Variants in TASP1 observed in about 807,000 individuals in gnomAD.
TASP1 encodes taspase 1.
Under a neutral mutation model 56.6 loss-of-function variants are expected in TASP1, and 16 were observed. The ratio of observed to expected loss-of-function variants is 0.28; its 90% CI spans 0.19 to 0.43. The LOEUF (loss-of-function observed/expected upper bound fraction) is 0.43, where lower values mean the gene tolerates loss of function less well. Among genes scored for constraint, TASP1 ranks in the 20% least tolerant of loss-of-function variants. The pLI is 1.00. For missense variants in TASP1, 393 were observed against 511.6 expected (o/e 0.77, Z 2.24); for synonymous variants, 179 against 184.2 (o/e 0.97, Z 0.23).
the TASP1 span, among the ~76,000 whole-genome samples, chr20:13,193,713 T>A: frequency 6.6e-6 from 1 of 152,310 alleles, no homozygotes; most frequent in East Asian, 1.9e-4. Context: ...CCAGACTACC[T>A]CTCTCTTTTC....
chr20:13,316,722 A>T, the TASP1 span, among the ~76,000 whole-genome samples: 1 of 151,896 alleles, frequency 6.6e-6, no homozygotes, highest in African/African-American at 2.4e-5. Context: ...CATCTGACAA[A>T]ATTCAACACC....
chr20:13,377,596 T>C, the TASP1 span, among the ~76,000 whole-genome samples: 30 of 152,192 alleles, frequency 2.0e-4, no homozygotes, highest in African/African-American at 7.0e-4. Context: ...ATAAAATGAG[T>C]TAGGGAGGAT....
chr20:13,333,656 A>G, the TASP1 span, among the ~76,000 whole-genome samples: 1 of 152,244 alleles, frequency 6.6e-6, no homozygotes, highest in Non-Finnish European at 1.5e-5. Flanking sequence ...GTTCATGTGA[A>G]AAATAATGCC....
At chr20:13,200,356 C>A in the TASP1 span, among the ~76,000 whole-genome samples, 3 of 152,152 alleles carry the variant, frequency 2.0e-5, no homozygotes, top group African/African-American at 7.2e-5. Flanking sequence ...GAGCAGAGAA[C>A]CTGCAAAGGG....
At chr20:13,192,963 A>T in the TASP1 span, among the ~76,000 whole-genome samples, 9 of 152,312 alleles carry the variant, frequency 5.9e-5, no homozygotes, top group East Asian at 1.5e-3. Flanking sequence ...GGAGAGAAAA[A>T]TTAGAAATAT....
intron 13 of TASP1, among the ~76,000 whole-genome samples, chr20:13,409,964 T>C (rs1199587028): frequency 6.6e-6 from 1 of 152,208 alleles, no homozygotes; most frequent in African/African-American, 2.4e-5. Flanking sequence ...CCTCTCTTCA[T>C]TCCCTCCTCC....
the TASP1 span, among the ~76,000 whole-genome samples, chr20:13,242,506 A>C: frequency 6.6e-6 from 1 of 152,062 alleles, no homozygotes; most frequent in Non-Finnish European, 1.5e-5. Context: ...GAAAAGCCCG[A>C]GAAGGTCCAG....
chr20:13,494,311 A>G (rs1290512713), intron 10 of TASP1, among the ~76,000 whole-genome samples: 4 of 152,190 alleles, frequency 2.6e-5, no homozygotes, highest in African/African-American at 9.6e-5. Context: ...ATTCCTCACA[A>G]GACAAAATAT....
chr20:13,117,614 C>G, the TASP1 span: 2 of 1,614,066 alleles, frequency 1.2e-6, no homozygotes, highest in Non-Finnish European at 1.7e-6. Flanking sequence ...TGGGCCCAAC[C>G]GGCCGGGGTG....
the TASP1 span, among the ~76,000 whole-genome samples, chr20:13,220,813 C>T: frequency 6.6e-6 from 1 of 152,218 alleles, no homozygotes; most frequent in Non-Finnish European, 1.5e-5. Flanking sequence ...GTCCGGCGCC[C>T]CCTCCGTTTT....
At chr20:13,161,548 C>T in the TASP1 span, among the ~76,000 whole-genome samples, 24 of 152,236 alleles carry the variant, frequency 1.6e-4, no homozygotes, top group African/African-American at 5.5e-4. Context: ...CCCAGACTTA[C>T]ATGGAACTAG....
the TASP1 span, among the ~76,000 whole-genome samples, chr20:13,180,241 T>C: frequency 6.6e-6 from 1 of 152,212 alleles, no homozygotes. Context: ...ACTGTCAATA[T>C]GCTATTAACA....
At chr20:13,427,998 T>C (rs975482481) in intron 12 of TASP1, among the ~76,000 whole-genome samples, 1 of 152,178 alleles carries the variant, frequency 6.6e-6, no homozygotes, top group African/African-American at 2.4e-5. Context: ...GGATGAACTG[T>C]GGGCCTCAAA....
the TASP1 span, among the ~76,000 whole-genome samples, chr20:13,366,131 T>C: frequency 2.0e-5 from 3 of 152,224 alleles, no homozygotes; most frequent in East Asian, 5.8e-4. Flanking sequence ...GAATATGTTT[T>C]GGACATATTT....
At chr20:13,510,353 G>T (rs2044284193) in intron 10 of TASP1, among the ~76,000 whole-genome samples, 1 of 152,096 alleles carries the variant, frequency 6.6e-6, no homozygotes. Flanking sequence ...GAACCAAGAA[G>T]CAAAGCAGAA....
intron 7 of TASP1, among the ~76,000 whole-genome samples, chr20:13,567,989 G>A (rs1010571777): frequency 2.6e-5 from 4 of 152,124 alleles, no homozygotes; most frequent in Non-Finnish European, 1.5e-5. Context: ...TATAAGGACT[G>A]TAAAATAAGT....
At chr20:13,224,611 C>T in the TASP1 span, among the ~76,000 whole-genome samples, 1 of 152,028 alleles carries the variant, frequency 6.6e-6, no homozygotes, top group Admixed American at 6.5e-5. Context: ...TGTGTACAAC[C>T]TTCTAAAATA....
At chr20:13,321,243 G>A in the TASP1 span, among the ~76,000 whole-genome samples, 1 of 73,860 alleles carries the variant, frequency 1.4e-5, no homozygotes, top group African/African-American at 6.8e-5. Flanking sequence ...GAATAGTCAT[G>A]TGCCCCACAT....
chr20:13,465,178 CAAAAA>C (rs771255579), intron 11 of TASP1, among the ~76,000 whole-genome samples: 1 of 57,250 alleles, frequency 1.7e-5, no homozygotes. Flanking sequence ...TTCTCTCTCC[CAAAAA>C]AAAAAAAAAA....
Sources: gnomAD v4.1 joint callset for allele counts (sites outside exome capture counted in the v4.1 genomes callset) on GRCh38, gnomAD v4.1.1 for gene constraint, MANE v1.5 for transcripts, NCBI Gene and HGNC (gene_info 2026-07-23, HGNC 2026-07-21) for gene names.